The following ZBBX variants were observed in gnomAD, a reference collection of about 807,000 sequenced individuals.
ZBBX encodes zinc finger B-box domain-containing protein 1.
ZBBX carries 101 observed loss-of-function variants against 108.5 expected under a neutral mutation model. The ratio of observed to expected loss-of-function variants is 0.93; its 90% CI spans 0.79 to 1.10. The LOEUF (loss-of-function observed/expected upper bound fraction) is 1.10, where lower values mean the gene tolerates loss of function less well. Ranked by LOEUF, ZBBX falls within the 50% of genes least tolerant of loss-of-function variation. ZBBX has a pLI of 0.00. For synonymous variants in ZBBX, 356 were observed against 323.4 expected, an observed-to-expected ratio of 1.10 and a Z score of -1.08; for missense variants, 1,009 against 941.4, an observed-to-expected ratio of 1.07 and a Z score of -0.94.
At chr3:167,404,397 G>A (rs761703172) in intron 1 of ZBBX, among the ~76,000 whole-genome samples, 36 of 152,016 alleles carry the variant, frequency 2.4e-4, no homozygotes, top group Non-Finnish European at 4.4e-4. Flanking sequence ...GAATAACCAG[G>A]GGTTTGCTCT....
chr3:167,377,916 T>C (rs1032698819), intron 2 of ZBBX, among the ~76,000 whole-genome samples: 8 of 152,146 alleles, frequency 5.3e-5, no homozygotes, highest in African/African-American at 1.9e-4. Flanking sequence ...TAGGAGATAA[T>C]TGAATCATGG....
the ZBBX span, among the ~76,000 whole-genome samples, chr3:167,209,416 G>A: frequency 6.6e-6 from 1 of 152,084 alleles, no homozygotes; most frequent in Non-Finnish European, 1.5e-5. Flanking sequence ...TTGAGAGAAA[G>A]TTAGGGAAGA....
chr3:167,240,533 T>C lies in ZBBX; in HGVS notation c.*260A>G, dbSNP rs1230788916. On this transcript the variant is annotated 3_prime_UTR_variant, in exon 22 of 22. Transcript: ENST00000675490. Reference sequence around the variant, plus strand: ...CCTATAGTAGGTTTTATAGACACAGTTGTAACAGTTATTTCTTCAAATTCA... The same window carrying C: ...CCTATAGTAGGTTTTATAGACACAGCTGTAACAGTTATTTCTTCAAATTCA... The C allele has an allele frequency of 3.4e-6, 1 of 292,102 alleles. No homozygotes were observed. The highest frequency in any genetic ancestry group is 6.5e-6 in the Non-Finnish European group (1 of 153,974). The allele number at this position is 292,102 out of a possible 1,614,324, so 18.1% of individuals were successfully genotyped here.
intron 19 of ZBBX, among the ~76,000 whole-genome samples, chr3:167,286,739 C>T (rs1729774919): frequency 1.3e-5 from 2 of 152,006 alleles, no homozygotes; most frequent in South Asian, 4.1e-4. Context: ...GATACAGTTG[C>T]CATTTCCAGA....
chr3:167,328,801 G>A (rs551084387), intron 10 of ZBBX, among the ~76,000 whole-genome samples: 26 of 152,208 alleles, frequency 1.7e-4, no homozygotes, highest in African/African-American at 5.5e-4. Context: ...TCAATGAAAT[G>A]CTCAAATATC....
the ZBBX span, among the ~76,000 whole-genome samples, chr3:167,200,622 C>T: frequency 6.6e-6 from 1 of 151,878 alleles, no homozygotes; most frequent in Non-Finnish European, 1.5e-5. Context: ...TATTTGAATT[C>T]CACTTGATAA....
At chr3:167,266,871 T>C (rs1725598936) in intron 20 of ZBBX, among the ~76,000 whole-genome samples, 1 of 152,074 alleles carries the variant, frequency 6.6e-6, no homozygotes, top group Non-Finnish European at 1.5e-5. Flanking sequence ...TCCTTTCCCG[T>C]GAGAAGGCAC....
chr3:167,265,259 T>G (rs758833323), intron 20 of ZBBX, among the ~76,000 whole-genome samples: 1 of 152,154 alleles, frequency 6.6e-6, no homozygotes, highest in Non-Finnish European at 1.5e-5. Flanking sequence ...TCACTGGAGA[T>G]TATTCAGGGT....
chr3:167,294,198 T>C lies in ZBBX; in HGVS notation c.1879+4107A>G, dbSNP rs548727198. Among the ~76,000 whole-genome samples the C allele has an allele frequency of 3.3e-5, 5 of 152,294 alleles. No individual in the cohort carries two copies. The East Asian group carries it at 9.6e-4, about 29-fold the overall frequency. ...TCACAGGATTGGAAAAAATTTACTT[T>C]AAATTTCATATGGAAACAAAAAAGA... is the stretch of plus-strand genomic sequence containing the variant. On this transcript the variant is annotated intron_variant, in intron 18 of 21. Transcript: ENST00000675490.
At chr3:167,278,148 G>A (rs1382619465) in intron 20 of ZBBX, among the ~76,000 whole-genome samples, 2 of 118,358 alleles carry the variant, frequency 1.7e-5, no homozygotes, top group Non-Finnish European at 3.4e-5. Context: ...GAGAAAGCAG[G>A]AAAGATCCAA....
chr3:167,367,753 T>C (rs757481609), intron 5 of ZBBX, among the ~76,000 whole-genome samples: 88 of 151,520 alleles, frequency 5.8e-4, no homozygotes, highest in Non-Finnish European at 1.0e-3. Flanking sequence ...GGAGTTAGCC[T>C]AGAGCTAAGA....
intron 1 of ZBBX, among the ~76,000 whole-genome samples, chr3:167,401,654 G>A (rs1400180930): frequency 6.6e-5 from 10 of 152,080 alleles, no homozygotes; most frequent in Admixed American, 4.6e-4. Context: ...GACAACCAGA[G>A]GTCACTCATC....
chr3:167,183,277 C>A, the ZBBX span, among the ~76,000 whole-genome samples: 1 of 152,168 alleles, frequency 6.6e-6, no homozygotes, highest in Non-Finnish European at 1.5e-5. Context: ...CCCACTATTA[C>A]CCTGATGTTT....
At chr3:167,265,800 G>A (rs1280881635) in intron 20 of ZBBX, among the ~76,000 whole-genome samples, 1 of 152,188 alleles carries the variant, frequency 6.6e-6, no homozygotes, top group Non-Finnish European at 1.5e-5. Flanking sequence ...AATGTGGCTG[G>A]TCCAAATGCT....
intron 20 of ZBBX, chr3:167,248,646 G>A: frequency 2.2e-6 from 1 of 456,582 alleles, no homozygotes; most frequent in Non-Finnish European, 4.4e-6. Context: ...TTCAGGCTGA[G>A]GCCCTAGAAA....
intron 6 of ZBBX, 33 bp from the exon 7 acceptor site, chr3:167,360,756 T>C (rs9834845): frequency 0.46 from 608,565 of 1,317,304 alleles, 145,312 homozygotes; most frequent in East Asian, 0.87. Flanking sequence ...ATTTGTCAGG[T>C]ATATATTATC....
chr3:167,226,143 A>C, the ZBBX span, among the ~76,000 whole-genome samples: 1 of 151,696 alleles, frequency 6.6e-6, no homozygotes. Flanking sequence ...AATAATGATA[A>C]AAATAATAAC....
chr3:167,216,427 G>T, the ZBBX span, among the ~76,000 whole-genome samples: 1 of 151,554 alleles, frequency 6.6e-6, no homozygotes, highest in Non-Finnish European at 1.5e-5. Context: ...GGAGGTGAGA[G>T]ATCTTTACAA....
intron 9 of ZBBX, 50 bp downstream of exon 9, chr3:167,350,370 G>C: frequency 7.1e-7 from 1 of 1,412,544 alleles, no homozygotes; most frequent in South Asian, 1.4e-5. Context: ...GTCTTTATGT[G>C]GAAACATTTT....
Sources: allele counts gnomAD v4.1 joint callset (sites outside exome capture counted in the v4.1 genomes callset), GRCh38; gene constraint gnomAD v4.1.1; transcripts MANE v1.5; gene names NCBI Gene and HGNC (gene_info 2026-07-23, HGNC 2026-07-21).